Variants in MPHOSPH9 observed in about 807,000 individuals in gnomAD.
MPHOSPH9 encodes the protein M-phase phosphoprotein 9.
A neutral mutation model predicts 145.5 loss-of-function variants in MPHOSPH9; 88 were observed. The ratio of observed to expected loss-of-function variants is 0.60; its 90% CI spans 0.51 to 0.72. MPHOSPH9 has a LOEUF of 0.72. Among genes scored for constraint, MPHOSPH9 ranks in the 30% least tolerant of loss-of-function variants. The pLI is 0.00. For synonymous variants in MPHOSPH9, 435 were observed against 486.2 expected, an observed-to-expected ratio of 0.89 and a Z score of 1.39; for missense variants, 1,238 against 1,386.6, an observed-to-expected ratio of 0.89 and a Z score of 1.70.
At position 123,202,824 on chromosome 12, in the gene MPHOSPH9, T is replaced by G; in HGVS notation, c.1581A>C (p.Gln527His). Residue 527 changes from glutamine to histidine, a missense_variant, in exon 10 of 24, where the codon CAA (glutamine) becomes CAC (histidine). By Grantham distance (24) the Gln-to-His change is conservative. This residue lies in a region of MPHOSPH9 where 837 missense variants were observed against 897.5 expected (regional missense o/e 0.93). Coordinates refer to ENST00000606320, the MANE Select transcript of MPHOSPH9 (RefSeq NM_022782.4). The stretch of plus-strand genomic sequence containing the variant: ...ACGTGGAACTGGTCCTACTTTCGTT[T>G]TGGAATGTCTGATTTTTCCAAGAGT... ...PVDSWKNQTF[Q>H]NESRTSSTFP... is the part of the protein sequence containing the mutation. The G allele has an allele frequency of 1.2e-6, 2 of 1,614,160 alleles. No individual in the cohort carries two copies. The highest frequency in any genetic ancestry group is 1.7e-6 in the Non-Finnish European group (2 of 1,180,032).
intron 16 of MPHOSPH9, among the ~76,000 whole-genome samples, chr12:123,174,024 G>T (rs150086250): frequency 6.6e-6 from 1 of 152,292 alleles, no homozygotes; most frequent in African/African-American, 2.4e-5. Flanking sequence ...TCTCTGGGTA[G>T]ATAGTATCAG....
At chr12:123,166,063 G>A (rs1484704017) in intron 17 of MPHOSPH9, among the ~76,000 whole-genome samples, 5 of 152,140 alleles carry the variant, frequency 3.3e-5, no homozygotes, top group African/African-American at 9.7e-5. Context: ...ACGCAGGCTC[G>A]GGGCTCGGGC....
At chr12:123,225,605 G>A (rs1379234251) in intron 3 of MPHOSPH9, among the ~76,000 whole-genome samples, 1 of 151,676 alleles carries the variant, frequency 6.6e-6, no homozygotes, top group African/African-American at 2.4e-5. Context: ...TCTGACTTAA[G>A]ATGCTAATGT....
At position 123,176,752 on chromosome 12, in the gene MPHOSPH9, C is replaced by T; in HGVS notation, c.2392G>A (p.Glu798Lys). The T allele has an allele frequency of 6.2e-7, 1 of 1,613,854 alleles. No homozygotes were observed. The highest frequency in any genetic ancestry group is 8.5e-7 in the Non-Finnish European group (1 of 1,179,880). Residue 798 changes from glutamate to lysine, a missense_variant, in exon 16 of 24, where the codon GAA becomes AAA. Glu to Lys is a moderately conservative substitution (Grantham distance 56, BLOSUM62 1). Coordinates refer to ENST00000606320, the MANE Select transcript of MPHOSPH9 (RefSeq NM_022782.4). Reference sequence around the variant, plus strand: ...CGAAGGCTTAACATATTTTCATGTTCTACTTGCTTGACCTGAGCTTCAAGT... The same window carrying T: ...CGAAGGCTTAACATATTTTCATGTTTTACTTGCTTGACCTGAGCTTCAAGT... ...SKLEAQVKQVEHENMLSLRHN... is the reference protein window; with the variant it reads ...SKLEAQVKQVKHENMLSLRHN...
At chr12:123,243,003 G>T (rs920039627) in intron 1 of MPHOSPH9, among the ~76,000 whole-genome samples, 4 of 152,186 alleles carry the variant, frequency 2.6e-5, no homozygotes, top group African/African-American at 9.7e-5. Flanking sequence ...ATAAGTTTTG[G>T]ACATTGACTT....
intron 3 of MPHOSPH9, 100 bp downstream of exon 3, chr12:123,227,363 A>G (rs1325544049): frequency 2.8e-5 from 25 of 896,444 alleles, no homozygotes; most frequent in Non-Finnish European, 3.7e-5. Flanking sequence ...TAAAAGTGTC[A>G]TGCTCTTCAG....
chr12:123,165,378 T>G lies in MPHOSPH9; in HGVS notation c.2691A>C (p.Arg897Ser), dbSNP rs2044273257. The G allele has an allele frequency of 6.2e-7, 1 of 1,613,980 alleles. No homozygotes were observed. The highest frequency in any genetic ancestry group is 8.5e-7 in the Non-Finnish European group (1 of 1,179,928). Reference protein sequence around the residue: ...QRETSDTPIMRALKELDEGKI... With the variant: ...QRETSDTPIMSALKELDEGKI... ...TTCCCTCATCAAGTTCTTTTAAAGCTCTCATGATCGGCGTGTCTGAAGTCT... is the reference window on the plus strand; with the variant it reads ...TTCCCTCATCAAGTTCTTTTAAAGCGCTCATGATCGGCGTGTCTGAAGTCT... The change falls in exon 18 of 24, where the codon AGA (arginine) becomes AGC (serine). Residue 897 changes from arginine (R) to serine (S), a missense_variant. Arg to Ser is a moderately radical substitution (Grantham distance 110, BLOSUM62 -1). Transcript: ENST00000606320.
intron 13 of MPHOSPH9, among the ~76,000 whole-genome samples, chr12:123,189,377 G>A (rs1044138643): frequency 6.6e-6 from 1 of 152,154 alleles, no homozygotes; most frequent in African/African-American, 2.4e-5. Context: ...CAAGATTTGA[G>A]GTTATGAGTT....
intron 12 of MPHOSPH9, among the ~76,000 whole-genome samples, chr12:123,197,893 C>G (rs1446011356): frequency 1.3e-5 from 2 of 151,574 alleles, no homozygotes; most frequent in Non-Finnish European, 2.9e-5. Flanking sequence ...ACCATCCTGG[C>G]TAACACGGTG....
upstream of MPHOSPH9, among the ~76,000 whole-genome samples, chr12:123,234,744 A>T (rs1353394938): frequency 2.0e-5 from 3 of 152,266 alleles, no homozygotes; most frequent in East Asian, 5.8e-4. Context: ...ATGATTTTTT[A>T]AATTATATTA....
chr12:123,197,030 GGT>G (rs2045979592), intron 12 of MPHOSPH9, among the ~76,000 whole-genome samples: 2 of 122,244 alleles, frequency 1.6e-5, no homozygotes, highest in South Asian at 2.8e-4. Context: ...AAGGGGTGTG[GGT>G]TTTTTTTTTT....
intron 15 of MPHOSPH9, among the ~76,000 whole-genome samples, chr12:123,179,613 T>G (rs920393142): frequency 6.6e-6 from 1 of 151,234 alleles, no homozygotes; most frequent in African/African-American, 2.4e-5. Context: ...GGCATGATGA[T>G]GAGTGCCTGT....
intron 8 of MPHOSPH9, among the ~76,000 whole-genome samples, chr12:123,208,717 T>G (rs545679296): frequency 7.9e-5 from 12 of 152,096 alleles, no homozygotes; most frequent in Middle Eastern, 6.8e-3. Flanking sequence ...ACAATCCATT[T>G]AATTTCACAA....
chr12:123,191,953 GCAGAAGGATTGCTTACT>G (rs563744112), intron 13 of MPHOSPH9, among the ~76,000 whole-genome samples: 227 of 152,236 alleles, frequency 1.5e-3, no homozygotes, highest in Middle Eastern at 3.4e-3. Context: ...GGAGGCTAAG[GCAGAAGGATTGCTTACT>G]CCAGGCTGGG....
chr12:123,188,541 G>C (rs1197830603), intron 13 of MPHOSPH9, among the ~76,000 whole-genome samples: 1 of 152,074 alleles, frequency 6.6e-6, no homozygotes, highest in African/African-American at 2.4e-5. Flanking sequence ...GCAGGACTTT[G>C]GAATTGTTTA....
chr12:123,197,986 A>G (rs1262146655), intron 12 of MPHOSPH9, among the ~76,000 whole-genome samples: 2 of 151,188 alleles, frequency 1.3e-5, no homozygotes, highest in Non-Finnish European at 2.9e-5. Flanking sequence ...CAGGAGGCTG[A>G]GGCAGGAGAA....
intron 13 of MPHOSPH9, among the ~76,000 whole-genome samples, chr12:123,182,261 GT>G (rs532750226): frequency 0.097 from 5,992 of 61,744 alleles, 348 homozygotes; most frequent in African/African-American, 0.19. Context: ...TTTTTTTTTT[GT>G]TTTTTTTTTT....
At position 123,221,552 on chromosome 12, in the gene MPHOSPH9, G is replaced by A. The variant is rs779354417; in HGVS notation, c.692C>T (p.Ala231Val). 2.5e-6 allele frequency: 4 copies of A among 1,614,156 alleles called. No homozygotes were observed. The Admixed American group carries it at 5.0e-5, about 20-fold the overall frequency. ...AAGTGACTCAGCCGGCACCGCAGGT[G>A]CTACATACTGTCCTTTGGGAACATC... ...HIDVPKGQYVAPAVPAESLVD... is the reference protein window; with the variant it reads ...HIDVPKGQYVVPAVPAESLVD... The change falls in exon 5 of 24, where the codon GCA becomes GTA. Residue 231 changes from alanine to valine, a missense_variant. Physicochemically the swap from Ala to Val is moderately conservative, Grantham distance 64 (BLOSUM62 0). Coordinates refer to ENST00000606320, the MANE Select transcript of MPHOSPH9 (RefSeq NM_022782.4).
chr12:123,163,912 G>A (rs750279962), intron 19 of MPHOSPH9, 38 bp downstream of exon 19: 24 of 1,609,974 alleles, frequency 1.5e-5, no homozygotes, highest in South Asian at 2.2e-5. Flanking sequence ...CAGAGATCAC[G>A]CTTTTGAACC....
Sources: allele counts gnomAD v4.1 joint callset (sites outside exome capture counted in the v4.1 genomes callset), GRCh38; gene constraint gnomAD v4.1.1; regional missense constraint gnomAD v4.1.1; transcripts MANE v1.5; gene names NCBI Gene and HGNC (gene_info 2026-07-23, HGNC 2026-07-21).